Variants in TOX2 observed in about 807,000 individuals in gnomAD.
The protein encoded by TOX2 is granulosa cell HMG box 1.
In TOX2, 15 loss-of-function variants were observed where a neutral mutation model predicts 47.4. That is an observed-to-expected ratio of 0.32 (90% CI 0.21 to 0.49). The LOEUF (loss-of-function observed/expected upper bound fraction) is 0.49. Ranked by LOEUF, TOX2 falls within the 20% of genes least tolerant of loss-of-function variation. The pLI is 0.99. For synonymous variants in TOX2, 290 were observed against 296.6 expected (o/e 0.98, Z 0.23); for missense variants, 622 against 673.1 (o/e 0.92, Z 0.84).
intron 5 of TOX2, among the ~76,000 whole-genome samples, chr20:44,064,568 C>G (rs929350980): frequency 3.7e-4 from 56 of 152,190 alleles, no homozygotes; most frequent in African/African-American, 1.3e-3. Context: ...CACACAGTGA[C>G]TTGGCTGAGG....
intron 4 of TOX2, among the ~76,000 whole-genome samples, chr20:44,052,689 G>A (rs2071536819): frequency 1.3e-5 from 2 of 152,156 alleles, no homozygotes; most frequent in Non-Finnish European, 2.9e-5. Flanking sequence ...TATAGGGCAG[G>A]GACTGTTATT....
At chr20:44,060,942 T>C (rs1345638034) in intron 5 of TOX2, among the ~76,000 whole-genome samples, 2 of 151,230 alleles carry the variant, frequency 1.3e-5, no homozygotes, top group Non-Finnish European at 3.0e-5. Flanking sequence ...AACCAAAAAA[T>C]ACAAAAGATA....
At chr20:43,992,481 T>G (rs2070386181) in intron 2 of TOX2, among the ~76,000 whole-genome samples, 1 of 152,174 alleles carries the variant, frequency 6.6e-6, no homozygotes, top group Admixed American at 6.5e-5. Flanking sequence ...CGCAATGTCT[T>G]GGAGCCAAAG....
At chr20:43,927,623 T>TC (rs2069187968) in intron 1 of TOX2, among the ~76,000 whole-genome samples, 1 of 75,834 alleles carries the variant, frequency 1.3e-5, no homozygotes, top group African/African-American at 1.4e-4. Context: ...CTTCCTTCCT[T>TC]CCTCCTTCCT....
chr20:44,035,819 C>T (rs1055977986), intron 3 of TOX2, among the ~76,000 whole-genome samples: 3 of 152,182 alleles, frequency 2.0e-5, no homozygotes, highest in African/African-American at 7.2e-5. Context: ...AGATTGTGCA[C>T]AGCAAGTTTT....
chr20:44,047,152 A>G (rs2071423626), intron 3 of TOX2, among the ~76,000 whole-genome samples: 1 of 152,382 alleles, frequency 6.6e-6, no homozygotes, highest in Middle Eastern at 3.4e-3. Flanking sequence ...AATCATAGTT[A>G]CAGTGCAGAG....
chr20:43,920,314 T>C (rs2069099557), intron 1 of TOX2, among the ~76,000 whole-genome samples: 1 of 152,208 alleles, frequency 6.6e-6, no homozygotes, highest in Non-Finnish European at 1.5e-5. Context: ...AGGACTCTTT[T>C]TGACAAAAAT....
chr20:44,055,394 G>A (rs574728592), intron 5 of TOX2, among the ~76,000 whole-genome samples: 141 of 152,326 alleles, frequency 9.3e-4, no homozygotes, highest in African/African-American at 3.3e-3. Flanking sequence ...CCTGAAGTGT[G>A]AGTTCTCTTT....
At chr20:44,020,534 G>A (rs1294406028) in intron 3 of TOX2, among the ~76,000 whole-genome samples, 3 of 152,232 alleles carry the variant, frequency 2.0e-5, no homozygotes, top group Non-Finnish European at 2.9e-5. Context: ...AAAGGGGCAG[G>A]TGTGTGCCTT....
chr20:43,990,177 AC>A (rs1163534435), intron 2 of TOX2, among the ~76,000 whole-genome samples: 1 of 152,222 alleles, frequency 6.6e-6, no homozygotes, highest in Non-Finnish European at 1.5e-5. Flanking sequence ...GGATAAGGAT[AC>A]CTCTACACAT....
At chr20:44,032,949 T>C (rs1003947799) in intron 3 of TOX2, among the ~76,000 whole-genome samples, 1 of 152,218 alleles carries the variant, frequency 6.6e-6, no homozygotes, top group East Asian at 1.9e-4. Flanking sequence ...GTCTGACTCT[T>C]AACTCAATAA....
rs200547615 is a variant in TOX2 at position 44,054,484 on chromosome 20, C to T, written c.837C>T (p.Ile279=). 1.1e-5 allele frequency: 17 copies of T among 1,613,884 alleles called. No homozygotes were observed. Among genetic ancestry groups the T allele is most frequent in the Middle Eastern group, 1.6e-4 (1 of 6,084 alleles). The change falls in exon 5 of 9, where the codon ATC becomes ATT. Residue 279 remains isoleucine (I), a synonymous_variant. Transcript: ENST00000341197. ...PSATFGDVSK[I]VASMWDSLGE... ...CCACTTTCGGTGACGTGTCCAAAAT[C>T]GTGGCCTCCATGTGGGACAGCCTGG...
chr20:43,951,218 C>T (rs2069559150), intron 1 of TOX2, among the ~76,000 whole-genome samples: 3 of 152,154 alleles, frequency 2.0e-5, no homozygotes, highest in African/African-American at 4.8e-5. Context: ...ATCCCAGCTC[C>T]ACCACTTCCT....
At chr20:44,004,693 G>A (rs912718026) in intron 2 of TOX2, among the ~76,000 whole-genome samples, 7 of 152,288 alleles carry the variant, frequency 4.6e-5, no homozygotes, top group African/African-American at 1.2e-4. Flanking sequence ...AGCTATCCCC[G>A]CTGCTCAGTA....
intron 2 of TOX2, among the ~76,000 whole-genome samples, chr20:43,986,613 G>A (rs745953217): frequency 1.7e-4 from 26 of 152,140 alleles, no homozygotes; most frequent in East Asian, 3.9e-4. Context: ...TACTCCCACC[G>A]AAACGGAGAA....
At chr20:44,049,190 G>A (rs6130509) in intron 3 of TOX2, among the ~76,000 whole-genome samples, 1 of 152,194 alleles carries the variant, frequency 6.6e-6, no homozygotes. Flanking sequence ...AAAAATTGCA[G>A]GCAATCTGGA....
At chr20:43,970,267 G>T (rs2069941692) in intron 1 of TOX2, among the ~76,000 whole-genome samples, 1 of 152,222 alleles carries the variant, frequency 6.6e-6, no homozygotes, top group African/African-American at 2.4e-5. Context: ...GCAGGGAAAA[G>T]AATATTTTCT....
intron 1 of TOX2, among the ~76,000 whole-genome samples, chr20:43,927,650 C>CTT: frequency 8.3e-6 from 1 of 120,606 alleles, no homozygotes; most frequent in African/African-American, 3.9e-5. Context: ...CTCCCCTTCC[C>CTT]TTCCCTTCCC....
chr20:43,990,346 T>C (rs6073271), intron 2 of TOX2, among the ~76,000 whole-genome samples: 70,644 of 152,058 alleles, frequency 0.46, 19,161 homozygotes, highest in African/African-American at 0.76. Flanking sequence ...AGTGGATGCT[T>C]ACTACATTTT....
Sources: allele counts gnomAD v4.1 joint callset (sites outside exome capture counted in the v4.1 genomes callset), GRCh38; gene constraint gnomAD v4.1.1; transcripts MANE v1.5; gene names NCBI Gene and HGNC (gene_info 2026-07-23, HGNC 2026-07-21).